ULK4: variants seen among roughly 807,000 people sequenced by gnomAD.
The protein encoded by ULK4 is inactive serine/threonine-protein kinase ULK4.
A neutral mutation model predicts 160.6 loss-of-function variants in ULK4; 133 were observed. The observed-to-expected ratio is 0.83, with a 90% CI of 0.72 to 0.96. The LOEUF is 0.96. ULK4 is among the 40% of genes least tolerant of loss of function. ULK4 has a pLI of 0.00. For synonymous variants in ULK4, 534 were observed against 539.8 expected (o/e 0.99, Z 0.15); for missense variants, 1,580 against 1,499.5 (o/e 1.05, Z -0.89).
At chr3:41,835,768 C>G (rs758890130) in intron 18 of ULK4, 96 bp downstream of exon 18, 1 of 852,258 alleles carries the variant, frequency 1.2e-6, no homozygotes, top group Non-Finnish European at 1.8e-6. Flanking sequence ...TGCTCTAAGG[C>G]GCAAAATCAA....
At chr3:41,441,692 T>A (rs2083174176) in intron 34 of ULK4, among the ~76,000 whole-genome samples, 1 of 152,150 alleles carries the variant, frequency 6.6e-6, no homozygotes, top group Non-Finnish European at 1.5e-5. Context: ...GCTCTGTGAA[T>A]GGCAATCAGG....
intron 32 of ULK4, among the ~76,000 whole-genome samples, chr3:41,465,550 T>C (rs2083809839): frequency 6.6e-6 from 1 of 152,212 alleles, no homozygotes; most frequent in Non-Finnish European, 1.5e-5. Context: ...ACCTTAAGTC[T>C]CCTTTAATTT....
At chr3:41,566,923 C>G (rs7620951) in intron 31 of ULK4, among the ~76,000 whole-genome samples, 1 of 152,164 alleles carries the variant, frequency 6.6e-6, no homozygotes, top group Middle Eastern at 3.4e-3. Flanking sequence ...GAGAGACACA[C>G]GAGGTGCAAA....
At chr3:41,439,658 TATTAGC>T (rs980629359) in intron 34 of ULK4, among the ~76,000 whole-genome samples, 2 of 152,316 alleles carry the variant, frequency 1.3e-5, no homozygotes, top group African/African-American at 4.8e-5. Flanking sequence ...GAAATCAGAG[TATTAGC>T]CCTCCAACTT....
At chr3:41,942,349 T>G (rs1699984752) in intron 2 of ULK4, among the ~76,000 whole-genome samples, 1 of 151,722 alleles carries the variant, frequency 6.6e-6, no homozygotes, top group Non-Finnish European at 1.5e-5. Flanking sequence ...TGAAACCCTA[T>G]CTCTATAAAA....
intron 18 of ULK4, among the ~76,000 whole-genome samples, chr3:41,831,605 G>A (rs113213296): frequency 0.12 from 18,687 of 150,988 alleles, 1,343 homozygotes; most frequent in Middle Eastern, 0.27. Context: ...ATAGGTATAC[G>A]TGTGCCAGAG....
At chr3:41,401,844 G>T (rs1163778596) in intron 34 of ULK4, among the ~76,000 whole-genome samples, 1 of 152,192 alleles carries the variant, frequency 6.6e-6, no homozygotes, top group Non-Finnish European at 1.5e-5. Context: ...AAAAGTTGAT[G>T]AAGTTGCTAT....
At chr3:41,429,604 C>G (rs2082857046) in intron 34 of ULK4, among the ~76,000 whole-genome samples, 1 of 152,114 alleles carries the variant, frequency 6.6e-6, no homozygotes, top group African/African-American at 2.4e-5. Flanking sequence ...ATGGATGGAG[C>G]TGGAAGCCAT....
intron 31 of ULK4, among the ~76,000 whole-genome samples, chr3:41,606,459 C>T (rs977007782): frequency 6.6e-6 from 1 of 152,008 alleles, no homozygotes; most frequent in East Asian, 1.9e-4. Flanking sequence ...CTTCAATATA[C>T]TGATTTCTTT....
At chr3:41,824,235 T>G (rs2041256519) in intron 18 of ULK4, among the ~76,000 whole-genome samples, 1 of 149,940 alleles carries the variant, frequency 6.7e-6, no homozygotes, top group African/African-American at 2.5e-5. Context: ...GCTCCCAGCA[T>G]GAGCGATGCA....
chr3:41,772,838 C>G (rs1444699597), intron 21 of ULK4, among the ~76,000 whole-genome samples: 1 of 152,110 alleles, frequency 6.6e-6, no homozygotes, highest in Non-Finnish European at 1.5e-5. Context: ...ACTGACAAAC[C>G]AAATCCAGCA....
intron 29 of ULK4, among the ~76,000 whole-genome samples, chr3:41,673,277 G>A (rs915273916): frequency 1.3e-5 from 2 of 152,068 alleles, no homozygotes; most frequent in Admixed American, 1.3e-4. Flanking sequence ...GGGAGACAAA[G>A]AAGCAATACA....
intron 32 of ULK4, among the ~76,000 whole-genome samples, chr3:41,507,967 G>T (rs2085450899): frequency 6.6e-6 from 1 of 152,210 alleles, no homozygotes; most frequent in Admixed American, 6.5e-5. Context: ...AATTGCCACT[G>T]CAAGCTCCCT....
chr3:41,517,091 T>C (rs527410668), intron 32 of ULK4, among the ~76,000 whole-genome samples: 3 of 152,078 alleles, frequency 2.0e-5, no homozygotes, highest in Non-Finnish European at 2.9e-5. Context: ...ACAAAGAAGA[T>C]ATACAGATGG....
At chr3:41,482,548 C>G (rs2084365460) in intron 32 of ULK4, among the ~76,000 whole-genome samples, 1 of 152,192 alleles carries the variant, frequency 6.6e-6, no homozygotes, top group Non-Finnish European at 1.5e-5. Flanking sequence ...CTCCTTTTCA[C>G]TTGGCTATGG....
At chr3:41,465,416 A>G (rs2083806156) in intron 32 of ULK4, among the ~76,000 whole-genome samples, 1 of 152,186 alleles carries the variant, frequency 6.6e-6, no homozygotes, top group South Asian at 2.1e-4. Context: ...TAACTACAAT[A>G]CCATTGCCAC....
intron 30 of ULK4, among the ~76,000 whole-genome samples, chr3:41,661,160 T>A (rs763147565): frequency 6.6e-6 from 1 of 152,160 alleles, no homozygotes; most frequent in African/African-American, 2.4e-5. Context: ...TGAACAAATA[T>A]TCAAAGAGAT....
chr3:41,859,309 G>A (rs1403876675), intron 17 of ULK4: 9 of 579,588 alleles, frequency 1.6e-5, no homozygotes, highest in South Asian at 8.6e-5. Context: ...TTCTCTCCTC[G>A]TGACCTCAAA....
intron 22 of ULK4, among the ~76,000 whole-genome samples, chr3:41,736,301 C>A (rs1346020248): frequency 1.3e-5 from 2 of 151,690 alleles, no homozygotes; most frequent in Non-Finnish European, 2.9e-5. Context: ...AGTTTACAGT[C>A]CCACCAACAG....
Sources: allele counts gnomAD v4.1 joint callset (sites outside exome capture counted in the v4.1 genomes callset), GRCh38; gene constraint gnomAD v4.1.1; transcripts MANE v1.5; gene names NCBI Gene and HGNC (gene_info 2026-07-23, HGNC 2026-07-21).